The following B3GAT1 variants were observed in gnomAD, a reference collection of about 807,000 sequenced individuals.
The protein encoded by B3GAT1 is beta-1,3-glucuronyltransferase 1.
A neutral mutation model predicts 28.4 loss-of-function variants in B3GAT1; 11 were observed. The ratio of observed to expected loss-of-function variants is 0.39; its 90% CI spans 0.24 to 0.64. B3GAT1 has a LOEUF of 0.64. Among genes scored for constraint, B3GAT1 ranks in the 30% least tolerant of loss-of-function variants. B3GAT1 has a pLI of 0.50. For missense variants in B3GAT1, 375 were observed against 491.0 expected (o/e 0.76, Z 2.23); for synonymous variants, 255 against 223.1 (o/e 1.14, Z -1.27).
intron 1 of B3GAT1, among the ~76,000 whole-genome samples, chr11:134,404,227 G>A (rs1944685812): frequency 2.0e-5 from 3 of 151,428 alleles, no homozygotes; most frequent in Non-Finnish European, 4.4e-5. Context: ...GTGTCCAAGT[G>A]TTCTCATTGT....
chr11:134,385,183 C>T (rs1944246828), intron 2 of B3GAT1: 1 of 152,278 alleles, frequency 6.6e-6, no homozygotes. Flanking sequence ...GAGAGCACCG[C>T]CAGGCACAGT....
At chr11:134,386,017 C>T (rs1944274394) in intron 2 of B3GAT1, 1 of 152,236 alleles carries the variant, frequency 6.6e-6, no homozygotes, top group Non-Finnish European at 1.5e-5. Context: ...TTTAACCCCT[C>T]TGGAGTGATG....
Position 134,387,953 on chromosome 11 carries a change from G to A in B3GAT1, c.-281-13C>T. The stretch of plus-strand genomic sequence containing the variant: ...GGGGGGTGGACACCTGCAAGAGAGA[G>A]CAGAAGCGGATAGCCAGAGACCCAG... On this transcript the variant is annotated splice_polypyrimidine_tract_variant and intron_variant, in intron 1 of 5. Coordinates refer to ENST00000312527, the MANE Select transcript of B3GAT1 (RefSeq NM_054025.3). 3.3e-6 allele frequency: 4 copies of A among 1,196,750 alleles called. No homozygotes were observed. Among genetic ancestry groups the A allele is most frequent in the Non-Finnish European group, 3.5e-6 (3 of 866,122 alleles). The allele number at this position is 1,196,750 out of a possible 1,614,324, so 74.1% of individuals were successfully genotyped here. A position where few individuals can be genotyped will look rare whatever the true frequency, so the allele number is the denominator to read the frequency against.
chr11:134,395,227 C>T (rs79449985), intron 1 of B3GAT1, among the ~76,000 whole-genome samples: 20,943 of 151,912 alleles, frequency 0.14, 1,539 homozygotes, highest in African/African-American at 0.16. Flanking sequence ...GGTGGGGAAG[C>T]GGGGATGGGC....
At position 134,389,519 on chromosome 11, in the gene B3GAT1, C is replaced by T. The variant is rs187397491; in HGVS notation, c.-281-1579G>A. On this transcript the variant is annotated intron_variant, in intron 1 of 5. Transcript: ENST00000312527. ...TCTCTCACATGGCAAGGACACTGGG[C>T]GAAGAGACCTCCTGACCGCCTTGGA... 735 of 152,546 alleles carry T rather than the reference C, an allele frequency of 4.8e-3. 5 individuals are homozygous for T. The highest frequency in any genetic ancestry group is 0.017 in the African/African-American group (691 of 41,572). The allele number at this position is 152,546 out of a possible 1,614,324, so 9.4% of individuals were successfully genotyped here.
chr11:134,383,002 C>T lies in B3GAT1; in HGVS notation c.626G>A (p.Arg209His), dbSNP rs770818268. 3.9e-6 allele frequency: 6 copies of T among 1,556,260 alleles called. No homozygotes were observed. Among genetic ancestry groups the T allele is most frequent in the Non-Finnish European group, 5.2e-6 (6 of 1,149,164 alleles). ...CCACACGGACACCCTCCTGGTGCTG[C>T]GCATCTACAAGGGGGGGGTCCAGAG... ...TYSLELFEEM[R>H]STRRVSVWPV... is the part of the protein sequence containing the mutation. The change falls in exon 4 of 6, where the codon CGC becomes CAC. Residue 209 changes from arginine (R) to histidine (H), a missense_variant. Arg to His is a conservative substitution (Grantham distance 29). Coordinates refer to ENST00000312527, the MANE Select transcript of B3GAT1 (RefSeq NM_054025.3).
chr11:134,384,001 G>A lies in B3GAT1; in HGVS notation c.300C>T (p.Ala100=), dbSNP rs942900086. 5.0e-6 allele frequency: 8 copies of A among 1,604,832 alleles called. No homozygotes were observed. The highest frequency in any genetic ancestry group is 1.1e-5 in the South Asian group (1 of 90,872). Residue 100 remains alanine, a synonymous_variant, in exon 3 of 6, where the codon GCC becomes GCT. Coordinates refer to ENST00000312527, the MANE Select transcript of B3GAT1 (RefSeq NM_054025.3). ...GCGTGTTGGCCATGCGCGTCAGCTC[G>A]GCCTTCTGCACCGGGCGGCTGTAGG... is the stretch of plus-strand genomic sequence containing the variant. ...TPTYSRPVQK[A]ELTRMANTLL...
At chr11:134,408,266 G>C (rs1386980649) in intron 1 of B3GAT1, among the ~76,000 whole-genome samples, 6 of 114,520 alleles carry the variant, frequency 5.2e-5, no homozygotes, top group East Asian at 2.4e-4. Flanking sequence ...GGGACAGCCT[G>C]CACCGATTCC....
At chr11:134,396,281 C>A (rs1944504140) in intron 1 of B3GAT1, among the ~76,000 whole-genome samples, 1 of 152,096 alleles carries the variant, frequency 6.6e-6, no homozygotes, top group Non-Finnish European at 1.5e-5. Context: ...GTCTGTCCCC[C>A]ACACCAAGGC....
intron 5 of B3GAT1, 74 bp downstream of exon 5, chr11:134,381,850 G>C: frequency 8.1e-7 from 1 of 1,236,522 alleles, no homozygotes. Context: ...AAGAGGAAAA[G>C]AATGAGACAG....
intron 2 of B3GAT1, chr11:134,386,767 A>G (rs1944297309): frequency 6.6e-6 from 1 of 152,180 alleles, no homozygotes; most frequent in Non-Finnish European, 1.5e-5. Flanking sequence ...GTGAAGTTGT[A>G]CATGCGTGTC....
At chr11:134,383,032 G>C (rs766795411) in intron 3 of B3GAT1, 26 bp from the exon 4 acceptor site, 7 of 1,516,404 alleles carry the variant, frequency 4.6e-6, no homozygotes, top group Non-Finnish European at 6.2e-6. Context: ...CCAGAGTCAG[G>C]GCGCCGGCAC....
chr11:134,388,506 G>A (rs1447521665), intron 1 of B3GAT1: 1 of 156,330 alleles, frequency 6.4e-6, no homozygotes, highest in Non-Finnish European at 1.4e-5. Context: ...GGGCACATGT[G>A]CAGGTTTGTT....
chr11:134,410,518 C>T (rs1397132048), intron 1 of B3GAT1, among the ~76,000 whole-genome samples: 1 of 152,298 alleles, frequency 6.6e-6, no homozygotes, highest in East Asian at 1.9e-4. Flanking sequence ...AGAAGTCTGT[C>T]TGAAGACCCT....
At position 134,403,815 on chromosome 11, in the gene B3GAT1, T is replaced by C. The variant is rs564115389; in HGVS notation, c.-282+7992A>G. Among the ~76,000 whole-genome samples the C allele has an allele frequency of 2.2e-4, 33 of 151,816 alleles. 1 individual carries two copies. The South Asian group carries it at 5.0e-3, about 23-fold the overall frequency. The stretch of plus-strand genomic sequence containing the variant: ...ACATGGACGAATCTTGAGGACACTA[T>C]GCTAAGTGAAATAAGCCAGTCTTAA... On this transcript the variant is annotated intron_variant, in intron 1 of 5. Transcript: ENST00000312527.
In B3GAT1 at chr11:134,397,424, C is replaced by T. The variant is rs111495998; in HGVS notation, c.-281-9484G>A. Among the ~76,000 whole-genome samples, 146 of 151,472 alleles carry T rather than the reference C, an allele frequency of 9.6e-4. 2 individuals carry two copies. The South Asian group carries it at 0.028, about 29-fold the overall frequency. Reference sequence around the variant, plus strand: ...TCCTGTTCCCTGGCCATCTCTGCCCCGCCAGCTTCCGTCCCTGAAATTCCA... The same window carrying T: ...TCCTGTTCCCTGGCCATCTCTGCCCTGCCAGCTTCCGTCCCTGAAATTCCA... On this transcript the variant is annotated intron_variant, in intron 1 of 5. Transcript: ENST00000312527.
rs954291160 is a variant in B3GAT1 at position 134,411,623 on chromosome 11, G to T, written c.-282+184C>A. Among the ~76,000 whole-genome samples the T allele has an allele frequency of 6.6e-6, 1 of 151,952 alleles. No homozygotes were observed. Among genetic ancestry groups the T allele is most frequent in the Non-Finnish European group, 1.5e-5 (1 of 67,980 alleles). ...CCTCGGCAGCAGCGCCTCCCAGCCC[G>T]AGCTCGGTTCTCGGCCCCCTTTCCA... On this transcript the variant is annotated intron_variant, in intron 1 of 5. Transcript: ENST00000312527. This position sits in a 1 kb window ranked among gnomAD's most constrained non-coding sequence, Gnocchi z 6.0.
Position 134,381,952 on chromosome 11 carries a change from A to G in B3GAT1, c.991T>C (p.Ser331Pro). ...NEGKKGFTDP[S>P]VEI is the part of the protein sequence containing the mutation. Reference sequence around the variant, plus strand: ...CATCCTGAGGCTCAGATCTCCACCGAGGGGTCAGTGAAGCCCTTCTTGCCC... The same window carrying G: ...CATCCTGAGGCTCAGATCTCCACCGGGGGGTCAGTGAAGCCCTTCTTGCCC... Residue 331 changes from serine (S) to proline (P), a missense_variant, in exon 5 of 6, where the codon TCG becomes CCG. Coordinates refer to ENST00000312527, the MANE Select transcript of B3GAT1 (RefSeq NM_054025.3). 2 of 1,614,056 alleles carry G rather than the reference A, an allele frequency of 1.2e-6. No homozygotes were observed. The highest frequency in any genetic ancestry group is 2.2e-5 in the South Asian group (2 of 91,072).
At chr11:134,394,014 A>G (rs1244397099) in intron 1 of B3GAT1, among the ~76,000 whole-genome samples, 1 of 152,110 alleles carries the variant, frequency 6.6e-6, no homozygotes, top group Non-Finnish European at 1.5e-5. Context: ...CAGTCAATCC[A>G]TACTTCATTA....
Sources: gnomAD v4.1 joint callset for allele counts (sites outside exome capture counted in the v4.1 genomes callset) on GRCh38, gnomAD v4.1.1 for gene constraint, Gnocchi (gnomAD v3.1) non-coding constraint, MANE v1.5 for transcripts, NCBI Gene and HGNC (gene_info 2026-07-23, HGNC 2026-07-21) for gene names.